The following C17orf75 variants were observed in gnomAD, a reference collection of about 807,000 sequenced individuals.
C17orf75 encodes the protein chromosome 17 open reading frame 75.
Under a neutral mutation model 49.6 loss-of-function variants are expected in C17orf75, and 32 were observed. The ratio of observed to expected loss-of-function variants is 0.65; its 90% confidence interval spans 0.49 to 0.87. The LOEUF (loss-of-function observed/expected upper bound fraction) is 0.87, where lower values mean the gene tolerates loss of function less well. C17orf75 is among the 40% of genes least tolerant of loss of function. The pLI is 0.00. For missense variants in C17orf75, 428 were observed against 473.9 expected (o/e 0.90, Z 0.90); for synonymous variants, 158 against 159.5 (o/e 0.99, Z 0.07).
chr17:32,350,011 C>T, exon 1 of C17orf75: 1 of 1,338,792 alleles, frequency 7.5e-7, no homozygotes, highest in Non-Finnish European at 9.7e-7. Flanking sequence ...AAGCGAAAAA[C>T]TCTGAAACGG....
chr17:32,333,487 G>A lies in C17orf75; in HGVS notation c.905C>T (p.Ala302Val), dbSNP rs1334496248. ...ACCTCCTTTGGCACCATTTAAAAAA[G>A]CTTGCATCCAATCCTCACAAAACCG... ...SNRFCEDWMQ[A>V]FLNGAKGGNP... The change falls in exon 9 of 10, where the codon GCT becomes GTT. Residue 302 changes from alanine (A) to valine (V), a missense_variant. By Grantham distance (64) the Ala-to-Val change is moderately conservative. Coordinates refer to ENST00000577809, the MANE Select transcript of C17orf75 (RefSeq NM_022344.4). The A allele has an allele frequency of 6.2e-7, 1 of 1,613,266 alleles. No homozygotes were observed. The highest frequency in any genetic ancestry group is 2.2e-5 in the East Asian group (1 of 44,840).
chr17:32,335,009 G>A (rs894472179), intron 6 of C17orf75, among the ~76,000 whole-genome samples, 170 bp from the exon 7 acceptor site: 3 of 152,214 alleles, frequency 2.0e-5, no homozygotes, highest in Admixed American at 6.5e-5. Flanking sequence ...ACATTTTATA[G>A]AATCAAAATT....
chr17:32,343,896 T>C (rs1326047835), upstream of C17orf75: 21 of 680,160 alleles, frequency 3.1e-5, no homozygotes, highest in African/African-American at 3.2e-4. Context: ...GTCATGAGGA[T>C]GGTAGAAAAA....
At chr17:32,344,511 GGAGGCT>G (rs2041409416), upstream of C17orf75, among the ~76,000 whole-genome samples, 2 of 151,910 alleles carry the variant, frequency 1.3e-5, no homozygotes, top group South Asian at 4.2e-4. Flanking sequence ...CAGCTAGTTG[GGAGGCT>G]GAGGCAGGAG....
intron 1 of C17orf75, among the ~76,000 whole-genome samples, chr17:32,349,742 C>A (rs1201252463): frequency 6.6e-6 from 1 of 152,182 alleles, no homozygotes; most frequent in Non-Finnish European, 1.5e-5. Flanking sequence ...TCGTCTGTCA[C>A]CAATCTGCGA....
rs1265997464 is a variant in C17orf75, at chr17:32,335,365, A to C, written c.627T>G (p.Val209=). The C allele has an allele frequency of 6.2e-7, 1 of 1,613,976 alleles. No homozygotes were observed. Among genetic ancestry groups the C allele is most frequent in the Non-Finnish European group, 8.5e-7 (1 of 1,179,850 alleles). Residue 209 remains valine (V), a synonymous_variant, in exon 6 of 10, where the codon GTT becomes GTG. Transcript: ENST00000577809. ...FEDVVCPIQR[V]VLLFQEKLTF... Reference sequence around the variant, plus strand: ...TAAGCTTTTCCTGAAAGAGAAGAACAACCCTTTGGATTGGGCATACAACAT... The same window carrying C: ...TAAGCTTTTCCTGAAAGAGAAGAACCACCCTTTGGATTGGGCATACAACAT...
rs1249567055 is a variant in C17orf75, at chr17:32,329,221, C to T, written c.*2542G>A. The T allele has an allele frequency of 1.3e-5, 2 of 152,148 alleles. No homozygotes were observed. Among genetic ancestry groups the T allele is most frequent in the Non-Finnish European group, 2.9e-5 (2 of 68,116 alleles). 9.4% of individuals were successfully genotyped at this position (152,148 alleles called of 1,614,324 possible). On this transcript the variant is annotated 3_prime_UTR_variant, in exon 10 of 10. Transcript: ENST00000577809. ...AGCTGGAACTACAGACGCCTGCCAC[C>T]ACGCCCGGCTAATTTTTTGTACTTT...
At chr17:32,343,520 C>A (rs1456146267), upstream of C17orf75, 1 of 280,236 alleles carries the variant, frequency 3.6e-6, no homozygotes, top group East Asian at 6.7e-5. Context: ...CACATTAAAT[C>A]CTCAGTCCTA....
Position 32,331,944 on chromosome 17 carries a change from A to G in C17orf75, c.1010T>C (p.Ile337Thr). ...ATAATGATTCATTTCTGCCTGTCGGATAAATCTCTTCAAATTGTTTGTGTC... is the reference window on the plus strand; with the variant it reads ...ATAATGATTCATTTCTGCCTGTCGGGTAAATCTCTTCAAATTGTTTGTGTC... ...IQDTNNLKRF[I>T]RQAEMNHYAL... Residue 337 changes from isoleucine (I) to threonine (T), a missense_variant, in exon 10 of 10, where the codon ATC becomes ACC. Physicochemically the swap from Ile to Thr is moderately conservative, Grantham distance 89 (BLOSUM62 -1). Transcript: ENST00000577809. The G allele has an allele frequency of 1.2e-6, 2 of 1,613,154 alleles. No individual in the cohort carries two copies. Among genetic ancestry groups the G allele is most frequent in the Non-Finnish European group, 1.7e-6 (2 of 1,179,620 alleles).
intron 5 of C17orf75, among the ~76,000 whole-genome samples, chr17:32,336,547 T>TA (rs2041327744): frequency 6.6e-6 from 1 of 152,202 alleles, no homozygotes; most frequent in Non-Finnish European, 1.5e-5. Flanking sequence ...TTGATATGGA[T>TA]ATGCCTAATT....
At chr17:32,344,881 T>C (rs536492462), upstream of C17orf75, among the ~76,000 whole-genome samples, 741 of 151,710 alleles carry the variant, frequency 4.9e-3, 1 homozygote, top group Non-Finnish European at 7.7e-3. Context: ...CACTCCAGCC[T>C]GGGTGACAGA....
intron 3 of C17orf75, 136 bp downstream of exon 3, chr17:32,339,677 G>T: frequency 9.1e-7 from 1 of 1,099,396 alleles, no homozygotes; most frequent in Non-Finnish European, 1.3e-6. Context: ...TTATGTGTGA[G>T]GCCCAGTGCT....
In C17orf75 at chr17:32,336,797, C is replaced by T. The variant is rs192122601; in HGVS notation, c.549+1100G>A. On this transcript the variant is annotated intron_variant, in intron 5 of 9. Coordinates refer to ENST00000577809, the MANE Select transcript of C17orf75 (RefSeq NM_022344.4). Reference sequence around the variant, plus strand: ...TTTTTCATAGATACAAAACATCAGACGTAGTCTTGTGAAACTTTCAGCACT... The same window carrying T: ...TTTTTCATAGATACAAAACATCAGATGTAGTCTTGTGAAACTTTCAGCACT... Among the ~76,000 whole-genome samples, 25 of 152,272 alleles carry T rather than the reference C, an allele frequency of 1.6e-4. No individual in the cohort carries two copies. In the East Asian group the frequency reaches 4.8e-3, roughly 29 times the overall value.
At chr17:32,336,137 A>G (rs1052845053) in intron 5 of C17orf75, among the ~76,000 whole-genome samples, 1 of 152,232 alleles carries the variant, frequency 6.6e-6, no homozygotes, top group African/African-American at 2.4e-5. Context: ...TGTGAAAAGT[A>G]TAACTTCTAC....
At chr17:32,348,867 C>CTTTTTTT (rs561014138) in intron 1 of C17orf75, among the ~76,000 whole-genome samples, 6 of 108,862 alleles carry the variant, frequency 5.5e-5, no homozygotes, top group Admixed American at 2.0e-4. Flanking sequence ...CAGCTCCAGT[C>CTTTTTTT]TTTTTTTTTT....
upstream of C17orf75, among the ~76,000 whole-genome samples, chr17:32,345,023 T>C (rs2150781033): frequency 6.6e-6 from 1 of 152,360 alleles, no homozygotes; most frequent in Admixed American, 6.5e-5. Flanking sequence ...TAATCCCATT[T>C]TTTCTAGATT....
chr17:32,340,953 A>G, intron 2 of C17orf75: 1 of 480,386 alleles, frequency 2.1e-6, no homozygotes, highest in Non-Finnish European at 3.8e-6. Flanking sequence ...TCAATTTAAA[A>G]GGAAAAAGAA....
At position 32,334,575 on chromosome 17, in the gene C17orf75, A is replaced by G; in HGVS notation, c.765T>C (p.Leu255=). 5 of 1,612,252 alleles carry G rather than the reference A, an allele frequency of 3.1e-6. No homozygotes were observed. Among genetic ancestry groups the G allele is most frequent in the Non-Finnish European group, 3.4e-6 (4 of 1,179,424 alleles). Reference sequence around the variant, plus strand: ...AAGAAGTCATGGTGCCTTCATGAATAAGTCCTTGAAGACTGGCCACACTCA... The same window carrying G: ...AAGAAGTCATGGTGCCTTCATGAATGAGTCCTTGAAGACTGGCCACACTCA... The part of the protein sequence containing the change: ...RFLSVASLQG[L]IHEGTMTSLC... The change falls in exon 8 of 10, where the codon CTT becomes CTC. Residue 255 remains leucine (L), a synonymous_variant. Coordinates refer to ENST00000577809, the MANE Select transcript of C17orf75 (RefSeq NM_022344.4).
chr17:32,349,230 T>C (rs570053032), intron 1 of C17orf75, among the ~76,000 whole-genome samples: 1 of 152,196 alleles, frequency 6.6e-6, no homozygotes, highest in South Asian at 2.1e-4. Flanking sequence ...CTTAAACTCT[T>C]TGCTCCCTTA....
Sources: allele counts gnomAD v4.1 joint callset (sites outside exome capture counted in the v4.1 genomes callset), GRCh38; gene constraint gnomAD v4.1.1; transcripts MANE v1.5; gene names NCBI Gene and HGNC (gene_info 2026-07-23, HGNC 2026-07-21).